Variants in ABHD2 observed in about 807,000 individuals in gnomAD.
ABHD2 encodes the protein monoacylglycerol lipase ABHD2.
ABHD2 carries 20 observed loss-of-function variants against 48.1 expected under a neutral mutation model. The ratio of observed to expected loss-of-function variants is 0.42; its 90% confidence interval spans 0.29 to 0.60. The LOEUF is 0.60. Among genes scored for constraint, ABHD2 ranks in the 20% least tolerant of loss-of-function variants. The pLI, the probability that ABHD2 is intolerant of heterozygous loss-of-function variation, is 0.24. For missense variants in ABHD2, 405 were observed against 550.9 expected (o/e 0.74, Z 2.65); for synonymous variants, 209 against 214.2 (o/e 0.98, Z 0.21).
the ABHD2 span, among the ~76,000 whole-genome samples, chr15:89,065,264 C>G: frequency 7.2e-5 from 11 of 152,142 alleles, no homozygotes; most frequent in Admixed American, 7.2e-4. Context: ...CCACCTCTGC[C>G]TCTACTCCCA....
Position 89,146,982 on chromosome 15 carries a change from A to AG in ABHD2, c.195-4695_195-4694insG, listed in dbSNP as rs1376061474. ...AAATCTGCCAAGAAAATTTTGAAAA[A>AG]TAACAAAGGCAGCCTGCGCTATCAA... On this transcript the variant is annotated intron_variant, in intron 3 of 10. Coordinates refer to ENST00000352732, the MANE Select transcript of ABHD2 (RefSeq NM_152924.5). This position sits in a 1 kb window ranked among gnomAD's most constrained non-coding sequence, Gnocchi z 4.2. 6.6e-6 allele frequency among the ~76,000 whole-genome samples: 1 copy of AG among 152,232 alleles called. No homozygotes were observed. Among genetic ancestry groups the AG allele is most frequent in the African/African-American group, 2.4e-5 (1 of 41,460 alleles).
chr15:89,170,989 G>A (rs1036616652), intron 5 of ABHD2, among the ~76,000 whole-genome samples: 46 of 152,092 alleles, frequency 3.0e-4, no homozygotes, highest in African/African-American at 9.9e-4. Context: ...GGTGGTGGGC[G>A]CCTGTAATCC....
chr15:89,091,363 G>A lies in ABHD2; in HGVS notation c.-107+2800G>A, dbSNP rs144396527. 2.1e-3 allele frequency among the ~76,000 whole-genome samples: 326 copies of A among 152,168 alleles called. 1 individual carries two copies. The highest frequency in any genetic ancestry group is 7.4e-3 in the African/African-American group (309 of 41,532). ...TTTTCTTGAGTTGATTCTGAATTTC[G>A]GTTTTTGTTTAAGCTGTTCTAGAGA... On this transcript the variant is annotated intron_variant, in intron 1 of 10. Coordinates refer to ENST00000352732, the MANE Select transcript of ABHD2 (RefSeq NM_152924.5). This position sits in a 1 kb window ranked among gnomAD's most constrained non-coding sequence, Gnocchi z 5.5.
the ABHD2 span, among the ~76,000 whole-genome samples, chr15:89,046,579 G>T: frequency 6.6e-6 from 1 of 151,912 alleles, no homozygotes; most frequent in Non-Finnish European, 1.5e-5. Flanking sequence ...TTCAGCTCCT[G>T]TTATTGGTCT....
At chr15:89,128,331 A>G (rs922798381) in intron 3 of ABHD2, among the ~76,000 whole-genome samples, 1 of 152,000 alleles carries the variant, frequency 6.6e-6, no homozygotes, top group African/African-American at 2.4e-5. Flanking sequence ...TTAAACAAGC[A>G]CTCATGGCAG....
intron 5 of ABHD2, among the ~76,000 whole-genome samples, chr15:89,172,961 G>A (rs778363071): frequency 6.6e-6 from 1 of 152,204 alleles, no homozygotes; most frequent in Non-Finnish European, 1.5e-5. Flanking sequence ...TCATCAAAGA[G>A]AAATTGAGAA....
the ABHD2 span, among the ~76,000 whole-genome samples, chr15:89,063,763 T>C: frequency 6.6e-6 from 1 of 152,142 alleles, no homozygotes; most frequent in South Asian, 2.1e-4. Context: ...CTTCTCCAAC[T>C]GAAACTCTGT....
At chr15:89,058,926 T>A in the ABHD2 span, among the ~76,000 whole-genome samples, 1 of 151,674 alleles carries the variant, frequency 6.6e-6, no homozygotes, top group Admixed American at 6.5e-5. Context: ...AAGGGATGGA[T>A]AATTCCTGCC....
chr15:89,090,506 AAC>A (rs1901553511), intron 1 of ABHD2: 1 of 117,368 alleles, frequency 8.5e-6, no homozygotes, highest in Admixed American at 1.1e-4. Flanking sequence ...AAATTCATTT[AAC>A]ATATTCCAGA....
intron 3 of ABHD2, among the ~76,000 whole-genome samples, chr15:89,150,684 A>G (rs1443764939): frequency 2.0e-5 from 3 of 152,250 alleles, no homozygotes; most frequent in African/African-American, 7.2e-5. Context: ...TCTGAGAGAA[A>G]TGATAGGCAA....
At chr15:89,089,216 G>C (rs370107780) in intron 1 of ABHD2, among the ~76,000 whole-genome samples, 31 of 152,360 alleles carry the variant, frequency 2.0e-4, no homozygotes, top group East Asian at 1.7e-3. Flanking sequence ...GCAGTGGCCT[G>C]ATGACAGCCA....
chr15:89,093,923 C>A (rs985130289), intron 1 of ABHD2: 3 of 152,202 alleles, frequency 2.0e-5, no homozygotes, highest in Non-Finnish European at 2.9e-5. Flanking sequence ...TCTTGCCTCT[C>A]GGGTTTTTTT....
chr15:89,076,895 C>G, the ABHD2 span, among the ~76,000 whole-genome samples: 2 of 152,246 alleles, frequency 1.3e-5, no homozygotes, highest in East Asian at 3.9e-4. Flanking sequence ...CCACATTTTT[C>G]TTTGTGGAAG....
At chr15:89,084,912 C>G (rs769504601), upstream of ABHD2, among the ~76,000 whole-genome samples, 2 of 152,156 alleles carry the variant, frequency 1.3e-5, no homozygotes, top group African/African-American at 2.4e-5. The surrounding 1 kb of genome is among the most constrained non-coding windows in gnomAD (Gnocchi z 4.4). Flanking sequence ...CCCAAGGTCA[C>G]AAGGCTAGGA....
intron 3 of ABHD2, among the ~76,000 whole-genome samples, chr15:89,127,871 G>T (rs2050161149): frequency 6.6e-6 from 1 of 151,802 alleles, no homozygotes; most frequent in Non-Finnish European, 1.5e-5. Flanking sequence ...CACCTTCTCT[G>T]TCTGTCAGAA....
Position 89,200,975 on chromosome 15 carries a change from G to A in ABHD2, c.*5552G>A, listed in dbSNP as rs2150964398. On this transcript the variant is annotated 3_prime_UTR_variant, in exon 11 of 11. Transcript: ENST00000352732. ...CGGGCGCCTGTAATCCCAGCTACTC[G>A]GGAGGCTGAGGTGGGAGAATTGCTT... 2 of 506,640 alleles carry A rather than the reference G, an allele frequency of 3.9e-6. No homozygotes were observed. The highest frequency in any genetic ancestry group is 7.0e-6 in the Non-Finnish European group (2 of 287,186). The allele number at this position is 506,640 out of a possible 1,614,324, so 31.4% of individuals were successfully genotyped here. A position where few individuals can be genotyped will look rare whatever the true frequency, so the allele number is the denominator to read the frequency against.
At position 89,112,938 on chromosome 15, in the gene ABHD2, G is replaced by A. The variant is rs1043981119; in HGVS notation, c.-106-787G>A. On this transcript the variant is annotated intron_variant, in intron 1 of 10. Coordinates refer to ENST00000352732, the MANE Select transcript of ABHD2 (RefSeq NM_152924.5). The stretch of plus-strand genomic sequence containing the variant: ...GGGTAATAATAGCATCTACCTCATA[G>A]GGTACAGGAAGGATTAAATGAGCTA... 7.9e-5 allele frequency among the ~76,000 whole-genome samples: 12 copies of A among 152,178 alleles called. No homozygotes were observed. In the South Asian group the frequency reaches 2.5e-3, roughly 32 times the overall value.
In ABHD2 at chr15:89,120,103, A is replaced by T. The variant is rs1000907752; in HGVS notation, c.194+3582A>T. Among the ~76,000 whole-genome samples the T allele has an allele frequency of 1.3e-5, 2 of 152,242 alleles. No individual in the cohort carries two copies. The highest frequency in any genetic ancestry group is 2.9e-5 in the Non-Finnish European group (2 of 68,038). On this transcript the variant is annotated intron_variant, in intron 3 of 10. Transcript: ENST00000352732. The surrounding 1 kb of genome is among the most constrained non-coding windows in gnomAD (Gnocchi z 4.2). Reference sequence around the variant, plus strand: ...GAAAAAAAGTTGATGAAAGGTGAACATCGAAAGCATGCTCGAGGAGCAGGG... The same window carrying T: ...GAAAAAAAGTTGATGAAAGGTGAACTTCGAAAGCATGCTCGAGGAGCAGGG...
intron 5 of ABHD2, among the ~76,000 whole-genome samples, chr15:89,170,821 T>A (rs894245487): frequency 6.6e-6 from 1 of 152,126 alleles, no homozygotes; most frequent in Non-Finnish European, 1.5e-5. Flanking sequence ...AGCTGCACTT[T>A]TAAAAGACAA....
Sources: allele counts gnomAD v4.1 joint callset (sites outside exome capture counted in the v4.1 genomes callset), GRCh38; gene constraint gnomAD v4.1.1; non-coding constraint Gnocchi (gnomAD v3.1); transcripts MANE v1.5; gene names NCBI Gene and HGNC (gene_info 2026-07-23, HGNC 2026-07-21).